The following NUP50 variants were observed in gnomAD, a reference collection of about 807,000 sequenced individuals.
The protein encoded by NUP50 is nucleoporin 50, also known as nuclear pore complex protein Nup50.
In NUP50, 14 loss-of-function variants were observed where a neutral mutation model predicts 36.8. That is an observed-to-expected ratio of 0.38 (90% CI 0.25 to 0.59). The LOEUF (loss-of-function observed/expected upper bound fraction) is 0.59, where lower values mean the gene tolerates loss of function less well. Among genes scored for constraint, NUP50 ranks in the 20% least tolerant of loss-of-function variants. The pLI, the probability that NUP50 is intolerant of heterozygous loss-of-function variation, is 0.63. For synonymous variants in NUP50, 195 were observed against 210.8 expected (o/e 0.93, Z 0.65); for missense variants, 455 against 564.6 (o/e 0.81, Z 1.97).
At chr22:45,166,147 A>G (rs372128251) in intron 1 of NUP50, 2 of 152,104 alleles carry the variant, frequency 1.3e-5, no homozygotes, top group African/African-American at 4.8e-5. Context: ...AAGCCCCTAC[A>G]TTTATTTAGA....
In NUP50 at chr22:45,186,238, C is replaced by G. The variant is rs927745739; in HGVS notation, c.*1583C>G. ...AGAGAGAGGTGAGCTTGTCCTGTTA[C>G]AGATGCTGTCAGACATAGCGATAGT... On this transcript the variant is annotated 3_prime_UTR_variant, in exon 8 of 8. Transcript: ENST00000347635. 6.7e-6 allele frequency: 1 copy of G among 150,216 alleles called. No homozygotes were observed. 9.3% of individuals were successfully genotyped at this position (150,216 alleles called of 1,614,324 possible). A position where few individuals can be genotyped will look rare whatever the true frequency, so the allele number is the denominator to read the frequency against.
At chr22:45,171,508 C>A in intron 2 of NUP50, 92 bp from the exon 3 acceptor site, 2 of 1,198,040 alleles carry the variant, frequency 1.7e-6, no homozygotes, top group Non-Finnish European at 2.5e-6. Flanking sequence ...AGGCCGGACA[C>A]AGTGGCTCAG....
intron 1 of NUP50, chr22:45,164,890 T>TA (rs1262932326): frequency 6.6e-6 from 1 of 152,276 alleles, no homozygotes; most frequent in Non-Finnish European, 1.5e-5. Flanking sequence ...TGGCCTGTCT[T>TA]ACTGCGTTCC....
chr22:45,181,490 C>CTTAAA, intron 6 of NUP50, 123 bp downstream of exon 6: 6 of 448,972 alleles, frequency 1.3e-5, no homozygotes, highest in African/African-American at 2.5e-5. Flanking sequence ...TTTGCCTGCT[C>CTTAAA]TCAAGTGGAA....
intron 4 of NUP50, 68 bp from the exon 5 acceptor site, chr22:45,178,170 G>C: frequency 7.0e-7 from 1 of 1,437,868 alleles, no homozygotes; most frequent in Admixed American, 1.9e-5. Flanking sequence ...AAGGCAGAGT[G>C]GCAAAAAAAT....
intron 3 of NUP50, among the ~76,000 whole-genome samples, chr22:45,173,402 A>T (rs2074228527): frequency 6.8e-6 from 1 of 147,196 alleles, no homozygotes; most frequent in Non-Finnish European, 1.5e-5. Context: ...TAGGTGGTAG[A>T]CGTAGGTGTT....
Position 45,178,380 on chromosome 22 carries a change from C to T in NUP50, c.483C>T (p.Ala161=), listed in dbSNP as rs140744086. 2.0e-5 allele frequency: 33 copies of T among 1,613,750 alleles called. No individual in the cohort carries two copies. Among genetic ancestry groups the T allele is most frequent in the South Asian group, 6.6e-5 (6 of 91,068 alleles). The change falls in exon 5 of 8, where the codon GCC becomes GCT. Residue 161 remains alanine, a synonymous_variant. Transcript: ENST00000347635. ...GAAATGCCTATCACAAGCAGTTGGC[C>T]GCCTTGAACTGCTCCGTGCGGGATT... is the stretch of plus-strand genomic sequence containing the variant. ...CVGNAYHKQL[A]ALNCSVRDWI...
intron 6 of NUP50, among the ~76,000 whole-genome samples, chr22:45,182,633 T>TC (rs1404155678): frequency 7.1e-6 from 1 of 140,040 alleles, no homozygotes; most frequent in Non-Finnish European, 1.5e-5. Flanking sequence ...GTTTTTTTTT[T>TC]TTTTTTTTTG....
intron 7 of NUP50, chr22:45,184,208 A>G: frequency 3.9e-6 from 2 of 519,124 alleles, no homozygotes; most frequent in East Asian, 3.4e-5. Context: ...CTCTGAGAGA[A>G]ACGCTGTGTG....
rs1601798275 is a variant in NUP50 at position 45,187,410 on chromosome 22, C to T, written c.*2755C>T. 2 of 135,288 alleles carry T rather than the reference C, an allele frequency of 1.5e-5. No homozygotes were observed. The highest frequency in any genetic ancestry group is 3.0e-5 in the Non-Finnish European group (2 of 65,982). 8.4% of individuals were successfully genotyped at this position (135,288 alleles called of 1,614,324 possible). A position where few individuals can be genotyped will look rare whatever the true frequency, so the allele number is the denominator to read the frequency against. ...AATTCTAGATCACATTTTATATATG[C>T]TGCATGCCAAAAAAAAAAAAAAGAG... On this transcript the variant is annotated 3_prime_UTR_variant, in exon 8 of 8. Coordinates refer to ENST00000347635, the MANE Select transcript of NUP50 (RefSeq NM_007172.4).
rs1327047662 is a variant in NUP50, at chr22:45,185,781, G to T, written c.*1126G>T. ...CACGAATATCCCTGTCACTTCTCCA[G>T]AGGTGTCAGGTAACTAACACGAGCA... On this transcript the variant is annotated 3_prime_UTR_variant, in exon 8 of 8. Transcript: ENST00000347635. The T allele has an allele frequency of 6.6e-6, 1 of 152,180 alleles. No individual in the cohort carries two copies. The highest frequency in any genetic ancestry group is 2.4e-5 in the African/African-American group (1 of 41,448). 9.4% of individuals were successfully genotyped at this position (152,180 alleles called of 1,614,324 possible).
intron 4 of NUP50, among the ~76,000 whole-genome samples, chr22:45,176,837 G>C (rs1336350166): frequency 1.3e-5 from 2 of 152,050 alleles, no homozygotes; most frequent in Non-Finnish European, 2.9e-5. Context: ...CCGCCTCTGG[G>C]TTTAAGCGAT....
At chr22:45,168,990 C>T (rs1389076593) in intron 2 of NUP50, among the ~76,000 whole-genome samples, 2 of 145,312 alleles carry the variant, frequency 1.4e-5, no homozygotes, top group East Asian at 2.1e-4. Flanking sequence ...CAACTTTTAT[C>T]TCCCGGGTTC....
intron 1 of NUP50, chr22:45,166,273 TTTTC>T (rs1488394022): frequency 1.6e-5 from 2 of 126,242 alleles, no homozygotes; most frequent in African/African-American, 2.7e-5. Context: ...GCTAATTTTT[TTTTC>T]TTTTTCTTTT....
intron 7 of NUP50, 51 bp from the exon 8 acceptor site, chr22:45,184,402 G>C: frequency 6.6e-7 from 1 of 1,512,586 alleles, no homozygotes; most frequent in African/African-American, 1.4e-5. Flanking sequence ...GACTCCTTTG[G>C]TGGAGCTATA....
At chr22:45,171,574 GC>G in intron 2 of NUP50, 25 bp from the exon 3 acceptor site, 1 of 1,595,206 alleles carries the variant, frequency 6.3e-7, no homozygotes, top group Non-Finnish European at 8.6e-7. Flanking sequence ...TTATCTTACT[GC>G]TGCTTAATTT....
chr22:45,172,825 G>C (rs2074216995), intron 3 of NUP50, among the ~76,000 whole-genome samples: 1 of 152,120 alleles, frequency 6.6e-6, no homozygotes. Context: ...CATAAATGGT[G>C]GTATGTGTTA....
chr22:45,173,686 A>G (rs998269621), intron 3 of NUP50, among the ~76,000 whole-genome samples: 1 of 152,152 alleles, frequency 6.6e-6, no homozygotes, highest in African/African-American at 2.4e-5. Flanking sequence ...GTGAGAAACA[A>G]AGCTCACTGC....
chr22:45,182,623 GTTTTTTTTTT>G (rs550478534), intron 6 of NUP50, among the ~76,000 whole-genome samples: 3 of 95,942 alleles, frequency 3.1e-5, no homozygotes, highest in African/African-American at 8.5e-5. Context: ...CTTGAGGTTT[GTTTTTTTTTT>G]TTTTTTTTTG....
Sources: allele counts gnomAD v4.1 joint callset (sites outside exome capture counted in the v4.1 genomes callset), GRCh38; gene constraint gnomAD v4.1.1; transcripts MANE v1.5; gene names NCBI Gene and HGNC (gene_info 2026-07-23, HGNC 2026-07-21).